Variants in TACC2 observed in about 807,000 individuals in gnomAD.
The protein encoded by TACC2 is transforming acidic coiled-coil-containing protein 2.
TACC2 carries 137 observed loss-of-function variants against 227.3 expected under a neutral mutation model. That is an observed-to-expected ratio of 0.60 (90% CI 0.52 to 0.69). TACC2 has a LOEUF of 0.69. TACC2 is among the 30% of genes least tolerant of loss of function. The pLI is 0.00. For synonymous variants in TACC2, 1,523 were observed against 1,487.5 expected (o/e 1.02, Z -0.55); for missense variants, 3,470 against 3,694.4 (o/e 0.94, Z 1.57).
At chr10:122,025,607 T>G (rs1273641276) in intron 2 of TACC2, among the ~76,000 whole-genome samples, 1 of 142,422 alleles carries the variant, frequency 7.0e-6, no homozygotes, top group Non-Finnish European at 1.5e-5. Flanking sequence ...GGAGTCTTGC[T>G]CTGTTGCCCA....
rs12250435 is a variant in TACC2, at chr10:122,008,668, G to C, written c.-45-13269G>C. ...ACTTACTGCAGCCTCTGCCTCCCGG[G>C]TTCATGCGATTCTCCTGCCTCAGCC... is the stretch of plus-strand genomic sequence containing the variant. On this transcript the variant is annotated intron_variant, in intron 1 of 22. Coordinates refer to ENST00000369005, the MANE Select transcript of TACC2 (RefSeq NM_206862.4). Among the ~76,000 whole-genome samples the C allele has an allele frequency of 2.6e-5, 4 of 152,000 alleles. No homozygotes were observed. The South Asian group carries it at 8.3e-4, about 32-fold the overall frequency.
At chr10:122,101,051 A>C (rs1180350911) in intron 5 of TACC2, among the ~76,000 whole-genome samples, 1 of 152,206 alleles carries the variant, frequency 6.6e-6, no homozygotes, top group Non-Finnish European at 1.5e-5. Context: ...GTAGCCTGAC[A>C]ATAATTTTAA....
At chr10:122,033,442 G>A (rs780318360) in intron 2 of TACC2, among the ~76,000 whole-genome samples, 10 of 152,168 alleles carry the variant, frequency 6.6e-5, no homozygotes, top group Non-Finnish European at 1.3e-4. Context: ...AGAAAGGAAC[G>A]TAGATGCTGG....
rs1229397263 is a variant in TACC2 at position 122,209,852 on chromosome 10, GC to G, written c.5972-544del. On this transcript the variant is annotated intron_variant, in intron 8 of 22. Coordinates refer to ENST00000369005, the MANE Select transcript of TACC2 (RefSeq NM_206862.4). The surrounding 1 kb of genome is among the most constrained non-coding windows in gnomAD (Gnocchi z 4.5). ...TTACAGGCGCTCACCACCATGCCTG[GC>G]TAATTTTTGTGTTTTTTTAGTAGAG... 1 of 157,628 alleles carries G rather than the reference GC, an allele frequency of 6.3e-6. No homozygotes were observed. Among genetic ancestry groups the G allele is most frequent in the Non-Finnish European group, 1.4e-5 (1 of 71,218 alleles). 9.8% of individuals were successfully genotyped at this position (157,628 alleles called of 1,614,324 possible). A position where few individuals can be genotyped will look rare whatever the true frequency, so the allele number is the denominator to read the frequency against.
intron 19 of TACC2, among the ~76,000 whole-genome samples, chr10:122,246,241 A>G (rs1315995967): frequency 6.6e-6 from 1 of 152,184 alleles, no homozygotes; most frequent in African/African-American, 2.4e-5. Flanking sequence ...CTTCAGCTGA[A>G]TAAATCCACA....
intron 7 of TACC2, among the ~76,000 whole-genome samples, chr10:122,153,603 G>C (rs544583275): frequency 6.6e-6 from 1 of 152,204 alleles, no homozygotes; most frequent in Non-Finnish European, 1.5e-5. Context: ...GTGATTTCTT[G>C]TTTTTTCACA....
In TACC2 at chr10:122,249,583, G is replaced by T. The variant is rs1359848003; in HGVS notation, c.8700G>T (p.Gln2900His). The T allele has an allele frequency of 6.2e-7, 1 of 1,614,174 alleles. No homozygotes were observed. The highest frequency in any genetic ancestry group is 1.1e-5 in the South Asian group (1 of 91,076). ...AEIAQVRGKA[Q>H]QEQAAHQASL... is the part of the protein sequence containing the mutation. ...TTGCTCAGGTTCGAGGCAAGGCCCA[G>T]CAGGAGCAAGCCGCCCACCAGGCCA... Residue 2900 changes from glutamine (Q) to histidine (H), a missense_variant, in exon 22 of 23, where the codon CAG becomes CAT. By Grantham distance (24) the Gln-to-His change is conservative. Coordinates refer to ENST00000369005, the MANE Select transcript of TACC2 (RefSeq NM_206862.4).
intron 2 of TACC2, among the ~76,000 whole-genome samples, chr10:122,035,637 A>T (rs1438484437): frequency 1.3e-5 from 2 of 152,174 alleles, no homozygotes; most frequent in Non-Finnish European, 2.9e-5. Flanking sequence ...TACCATTGTA[A>T]CTATTTTTAA....
chr10:122,014,117 T>C (rs952860197), intron 1 of TACC2, among the ~76,000 whole-genome samples: 1 of 152,178 alleles, frequency 6.6e-6, no homozygotes, highest in Non-Finnish European at 1.5e-5. Flanking sequence ...CAAATCCCAA[T>C]AGATCATTAC....
chr10:122,236,561 G>T (rs1222739664), intron 16 of TACC2, among the ~76,000 whole-genome samples: 2 of 143,492 alleles, frequency 1.4e-5, no homozygotes, highest in Admixed American at 7.2e-5. Flanking sequence ...CGAGCATTTT[G>T]TGCAAAGGGA....
chr10:122,156,567 G>A (rs1303261788), intron 7 of TACC2, among the ~76,000 whole-genome samples: 2 of 148,880 alleles, frequency 1.3e-5, no homozygotes, highest in Admixed American at 6.6e-5. Context: ...GCTTCTCTCA[G>A]TTCTTTCATC....
At chr10:122,170,787 G>A (rs2093431899) in intron 7 of TACC2, among the ~76,000 whole-genome samples, 1 of 152,194 alleles carries the variant, frequency 6.6e-6, no homozygotes, top group South Asian at 2.1e-4. Context: ...CTCGCCTGAT[G>A]TTCACCAGGA....
At chr10:122,068,666 G>A (rs1312964194) in intron 3 of TACC2, among the ~76,000 whole-genome samples, 2 of 48,494 alleles carry the variant, frequency 4.1e-5, no homozygotes, top group Non-Finnish European at 5.2e-5. Context: ...TTGCTCCTCC[G>A]AAACCTTTTT....
rs775365809 is a variant in TACC2 at position 122,085,019 on chromosome 10, C to T, written c.2519C>T (p.Ser840Phe). Residue 840 changes from serine (S) to phenylalanine (F), a missense_variant, in exon 4 of 23, where the codon TCC becomes TTC. Transcript: ENST00000369005. ...LQPSQAQPET[S>F]IFDVLKEQAQ... ...CCATCCCAGGCACAACCAGAGACAT[C>T]CATCTTTGACGTGCTCAAGGAGCAG... 1.9e-6 allele frequency: 3 copies of T among 1,614,200 alleles called. No individual in the cohort carries two copies. Among genetic ancestry groups the T allele is most frequent in the East Asian group, 2.2e-5 (1 of 44,880 alleles).
chr10:122,153,660 C>CT (rs1190157498), intron 7 of TACC2, among the ~76,000 whole-genome samples: 1 of 152,228 alleles, frequency 6.6e-6, no homozygotes, highest in African/African-American at 2.4e-5. Context: ...TGAGCACTTG[C>CT]TGTATGCCTT....
At chr10:122,167,871 C>T (rs935984266) in intron 7 of TACC2, among the ~76,000 whole-genome samples, 3 of 152,058 alleles carry the variant, frequency 2.0e-5, no homozygotes. Flanking sequence ...CTTTAGCTCT[C>T]ATTAGATCTT....
chr10:122,014,100 A>G (rs1284327734), intron 1 of TACC2, among the ~76,000 whole-genome samples: 1 of 152,234 alleles, frequency 6.6e-6, no homozygotes, highest in Non-Finnish European at 1.5e-5. Context: ...ATTGTCTAAC[A>G]TATCAACAAA....
chr10:122,242,743 C>G (rs1564826547), intron 19 of TACC2, among the ~76,000 whole-genome samples: 1 of 151,796 alleles, frequency 6.6e-6, no homozygotes. Flanking sequence ...CATATTATAA[C>G]TGGGTCTGTG....
intron 1 of TACC2, among the ~76,000 whole-genome samples, chr10:121,996,484 CAAT>C (rs1291193439): frequency 2.0e-5 from 3 of 152,144 alleles, no homozygotes; most frequent in Admixed American, 2.0e-4. Context: ...GCCCCACTTC[CAAT>C]GCTGGGGATC....
Sources: gnomAD v4.1 joint callset for allele counts (sites outside exome capture counted in the v4.1 genomes callset) on GRCh38, gnomAD v4.1.1 for gene constraint, Gnocchi (gnomAD v3.1) non-coding constraint, MANE v1.5 for transcripts, NCBI Gene and HGNC (gene_info 2026-07-23, HGNC 2026-07-21) for gene names.